UNC13C: variants seen among roughly 807,000 people sequenced by gnomAD.
UNC13C encodes unc-13 homolog C, also known as protein unc-13 homolog C.
In UNC13C, 174 loss-of-function variants were observed where a neutral mutation model predicts 245.4. That is an observed-to-expected ratio of 0.71 (90% CI 0.63 to 0.80). The LOEUF (loss-of-function observed/expected upper bound fraction) is 0.80. Ranked by LOEUF, UNC13C falls within the 30% of genes least tolerant of loss-of-function variation. The probability of loss-of-function intolerance (pLI) is 0.00; values close to 1 mark genes in which losing one functional copy is unlikely to be tolerated. For missense variants in UNC13C, 2,829 were observed against 2,602.9 expected, an observed-to-expected ratio of 1.09 and a Z score of -1.89; for synonymous variants, 992 against 895.1, an observed-to-expected ratio of 1.11 and a Z score of -1.93.
intron 30 of UNC13C, among the ~76,000 whole-genome samples, chr15:54,599,302 G>A (rs554635477): frequency 1.3e-5 from 2 of 152,192 alleles, no homozygotes; most frequent in Admixed American, 1.3e-4. Context: ...TAATAAACAT[G>A]AGGGTTTATG....
intron 19 of UNC13C, among the ~76,000 whole-genome samples, chr15:54,484,082 GAA>G (rs34344522): frequency 4.0e-5 from 6 of 150,044 alleles, no homozygotes; most frequent in Admixed American, 1.3e-4. Flanking sequence ...TGGCTTCCCT[GAA>G]AAAAAAAAAC....
At chr15:53,871,088 A>G in the UNC13C span, among the ~76,000 whole-genome samples, 7 of 152,124 alleles carry the variant, frequency 4.6e-5, no homozygotes, top group Non-Finnish European at 8.8e-5. Flanking sequence ...CACTCCCCCA[A>G]ATAAATTTGA....
At chr15:54,188,024 G>A (rs1253481118) in intron 4 of UNC13C, among the ~76,000 whole-genome samples, 2 of 152,006 alleles carry the variant, frequency 1.3e-5, no homozygotes, top group Non-Finnish European at 2.9e-5. Context: ...CATCATGTTG[G>A]TGAGGCTGGT....
chr15:53,978,550 G>C lies in UNC13C; in HGVS notation c.-634G>C, dbSNP rs943305892. On this transcript the variant is annotated 5_prime_UTR_variant, in exon 1 of 33. Coordinates refer to ENST00000260323, the MANE Select transcript of UNC13C (RefSeq NM_001080534.3). ...AGCCTGGGCGCTCCTCAACACACGG[G>C]AGAGATCCCATTTTGCTTTCTGGGA... 1.3e-5 allele frequency among the ~76,000 whole-genome samples: 2 copies of C among 152,212 alleles called. No individual in the cohort carries two copies. Among genetic ancestry groups the C allele is most frequent in the African/African-American group, 4.8e-5 (2 of 41,470 alleles).
At chr15:54,147,995 C>G (rs1370510671) in intron 4 of UNC13C, among the ~76,000 whole-genome samples, 1 of 152,058 alleles carries the variant, frequency 6.6e-6, no homozygotes, top group Non-Finnish European at 1.5e-5. Flanking sequence ...GTTCCTTGAG[C>G]CGATGTGAAA....
chr15:53,848,794 T>C, the UNC13C span, among the ~76,000 whole-genome samples: 113 of 152,280 alleles, frequency 7.4e-4, no homozygotes, highest in African/African-American at 2.6e-3. Context: ...TTACATCTTT[T>C]ACTTCATGTG....
the UNC13C span, among the ~76,000 whole-genome samples, chr15:53,933,389 A>G: frequency 3.6e-4 from 55 of 152,300 alleles, no homozygotes; most frequent in South Asian, 2.1e-3. Flanking sequence ...AACTGTCAAC[A>G]TGTATTACCA....
chr15:54,339,114 C>T (rs982570358), intron 17 of UNC13C, among the ~76,000 whole-genome samples: 55 of 152,180 alleles, frequency 3.6e-4, no homozygotes, highest in African/African-American at 1.1e-3. Context: ...GTGATCCGCC[C>T]GCCTCGGCCT....
intron 19 of UNC13C, among the ~76,000 whole-genome samples, chr15:54,429,010 T>G (rs2040813640): frequency 6.6e-6 from 1 of 151,798 alleles, no homozygotes; most frequent in Non-Finnish European, 1.5e-5. Flanking sequence ...GTTTCTTGCA[T>G]GTGAATGCTA....
At chr15:54,588,257 T>C (rs1898592275) in intron 30 of UNC13C, among the ~76,000 whole-genome samples, 1 of 152,226 alleles carries the variant, frequency 6.6e-6, no homozygotes, top group South Asian at 2.1e-4. Flanking sequence ...ATTTTCAATT[T>C]ATTTCCTGAA....
chr15:53,950,857 C>T, the UNC13C span, among the ~76,000 whole-genome samples: 1 of 152,184 alleles, frequency 6.6e-6, no homozygotes, highest in East Asian at 1.9e-4. Context: ...AGGAAGCCAA[C>T]TAAGACAAGT....
intron 2 of UNC13C, chr15:54,049,278 T>A: frequency 1.9e-6 from 1 of 526,616 alleles, no homozygotes; most frequent in Non-Finnish European, 3.7e-6. Context: ...GTGTTCTCAC[T>A]GCAGGAAATT....
chr15:54,470,363 C>T (rs1171430151), intron 19 of UNC13C, among the ~76,000 whole-genome samples: 1 of 151,336 alleles, frequency 6.6e-6, no homozygotes. Context: ...AGTTGTGATG[C>T]TTCTGGTCCT....
chr15:54,018,571 C>G (rs1435209983), intron 2 of UNC13C, among the ~76,000 whole-genome samples: 1 of 150,578 alleles, frequency 6.6e-6, no homozygotes, highest in Non-Finnish European at 1.5e-5. Context: ...CCCCATGAGT[C>G]AAATTCTTCC....
At chr15:53,880,542 AG>A in the UNC13C span, among the ~76,000 whole-genome samples, 1 of 152,186 alleles carries the variant, frequency 6.6e-6, no homozygotes, top group Non-Finnish European at 1.5e-5. Context: ...TTCAGCTTCA[AG>A]AAGCTTCCTG....
chr15:53,847,077 C>A, the UNC13C span, among the ~76,000 whole-genome samples: 1 of 152,004 alleles, frequency 6.6e-6, no homozygotes, highest in Non-Finnish European at 1.5e-5. Context: ...AGAACAACAA[C>A]AACAACAAAA....
At chr15:54,397,012 G>A (rs886225521) in intron 18 of UNC13C, among the ~76,000 whole-genome samples, 3 of 150,994 alleles carry the variant, frequency 2.0e-5, no homozygotes, top group Non-Finnish European at 3.0e-5. Flanking sequence ...CATAGTTATT[G>A]CGCATTTTTA....
At chr15:54,305,529 A>T (rs984079838) in intron 13 of UNC13C, among the ~76,000 whole-genome samples, 7 of 152,072 alleles carry the variant, frequency 4.6e-5, no homozygotes, top group African/African-American at 1.7e-4. Flanking sequence ...GTTTATGAAT[A>T]AATCTATCTT....
the UNC13C span, among the ~76,000 whole-genome samples, chr15:53,908,713 C>G: frequency 6.4e-5 from 8 of 125,390 alleles, no homozygotes; most frequent in African/African-American, 2.5e-4. Flanking sequence ...GATTGCACCA[C>G]TGCACTCCAG....
Sources: gnomAD v4.1 joint callset for allele counts (sites outside exome capture counted in the v4.1 genomes callset) on GRCh38, gnomAD v4.1.1 for gene constraint, MANE v1.5 for transcripts, NCBI Gene and HGNC (gene_info 2026-07-23, HGNC 2026-07-21) for gene names.